PPP3CA: variants seen among roughly 807,000 people sequenced by gnomAD.
PPP3CA encodes protein phosphatase 3 catalytic subunit alpha.
PPP3CA carries 14 observed loss-of-function variants against 66.5 expected under a neutral mutation model. The ratio of observed to expected loss-of-function variants is 0.21; its 90% CI spans 0.14 to 0.33. The LOEUF is 0.33. Among genes scored for constraint, PPP3CA ranks in the 10% least tolerant of loss-of-function variants. PPP3CA has a pLI of 1.00. For synonymous variants in PPP3CA, 232 were observed against 226.2 expected (o/e 1.03, Z -0.23); for missense variants, 317 against 639.5 (o/e 0.50, Z 5.44).
intron 1 of PPP3CA, among the ~76,000 whole-genome samples, chr4:101,239,769 G>T (rs976580212): frequency 6.6e-6 from 1 of 151,974 alleles, no homozygotes; most frequent in Non-Finnish European, 1.5e-5. Flanking sequence ...AAAGTTGAGA[G>T]CTCAGCACTG....
chr4:101,275,031 G>C (rs1727446000), intron 1 of PPP3CA, among the ~76,000 whole-genome samples: 2 of 152,098 alleles, frequency 1.3e-5, no homozygotes, highest in African/African-American at 2.4e-5. Flanking sequence ...TTCAGTGATT[G>C]GGCTCCAAAA....
At chr4:101,244,557 C>T (rs1182133489) in intron 1 of PPP3CA, among the ~76,000 whole-genome samples, 1 of 152,110 alleles carries the variant, frequency 6.6e-6, no homozygotes, top group African/African-American at 2.4e-5. Context: ...GACTGACTAA[C>T]AGCACAATTA....
intron 2 of PPP3CA, among the ~76,000 whole-genome samples, chr4:101,164,579 G>A (rs1281381160): frequency 2.7e-5 from 1 of 37,216 alleles, no homozygotes; most frequent in Non-Finnish European, 6.6e-5. Flanking sequence ...TTTTTTTTTA[G>A]GGTCCTGGCT....
intron 11 of PPP3CA, among the ~76,000 whole-genome samples, chr4:101,033,292 AAAC>A (rs1560571194): frequency 0.08 from 7,066 of 87,950 alleles, 185 homozygotes; most frequent in Non-Finnish European, 0.1. Flanking sequence ...ACACACACAC[AAAC>A]ACACACACAC....
intron 5 of PPP3CA, among the ~76,000 whole-genome samples, chr4:101,096,170 T>A (rs1730187170): frequency 6.6e-6 from 1 of 152,198 alleles, no homozygotes; most frequent in African/African-American, 2.4e-5. Context: ...GTAAACACAT[T>A]ATTTTTATAC....
chr4:101,096,112 C>T (rs933373186), intron 5 of PPP3CA, among the ~76,000 whole-genome samples: 4 of 152,028 alleles, frequency 2.6e-5, no homozygotes, highest in Admixed American at 6.5e-5. Context: ...ATTGTGCTTT[C>T]GCTTGAATTT....
intron 1 of PPP3CA, among the ~76,000 whole-genome samples, chr4:101,306,579 T>A (rs1460961378): frequency 6.6e-6 from 1 of 152,032 alleles, no homozygotes; most frequent in Non-Finnish European, 1.5e-5. Flanking sequence ...CCACCTTCAC[T>A]TCTCGGAAGA....
rs188730157 is a variant in PPP3CA, at chr4:101,337,753, A to T, written c.58+8986T>A. On this transcript the variant is annotated intron_variant, in intron 1 of 13. Transcript: ENST00000394854. ...TTCTTTAACCAGAAGTCATACAACC[A>T]CATCTGGGGTAGCGCAGCTTTAGCG... Among the ~76,000 whole-genome samples, 184 of 152,284 alleles carry T rather than the reference A, an allele frequency of 1.2e-3. 1 individual carries two copies. Among genetic ancestry groups the T allele is most frequent in the Non-Finnish European group, 1.7e-3 (115 of 68,016 alleles).
At chr4:101,221,455 G>T (rs1388454680) in intron 1 of PPP3CA, among the ~76,000 whole-genome samples, 1 of 81,144 alleles carries the variant, frequency 1.2e-5, no homozygotes, top group Admixed American at 9.8e-5. Flanking sequence ...AAAATAAAAC[G>T]CATATTTTGA....
At chr4:101,288,827 G>C (rs3974772) in intron 1 of PPP3CA, among the ~76,000 whole-genome samples, 1 of 151,972 alleles carries the variant, frequency 6.6e-6, no homozygotes, top group Admixed American at 6.6e-5. Context: ...CCAAGCTGGG[G>C]CAATGTGTTA....
intron 1 of PPP3CA, among the ~76,000 whole-genome samples, chr4:101,238,229 A>T (rs1360209104): frequency 1.3e-5 from 2 of 152,114 alleles, no homozygotes; most frequent in Non-Finnish European, 2.9e-5. Context: ...ATGCTTAAAA[A>T]GTCATATCAC....
At chr4:101,039,279 T>G (rs1282798912) in intron 11 of PPP3CA, among the ~76,000 whole-genome samples, 1 of 145,020 alleles carries the variant, frequency 6.9e-6, no homozygotes, top group Non-Finnish European at 1.5e-5. Flanking sequence ...TCAGAAAGTT[T>G]TTTGTTGACC....
At chr4:101,307,660 A>G (rs891991879) in intron 1 of PPP3CA, among the ~76,000 whole-genome samples, 1 of 152,232 alleles carries the variant, frequency 6.6e-6, no homozygotes, top group African/African-American at 2.4e-5. Context: ...AGTATAAAAC[A>G]GTTTTTGGTG....
intron 1 of PPP3CA, among the ~76,000 whole-genome samples, chr4:101,335,083 A>T (rs947662692): frequency 6.6e-6 from 1 of 152,192 alleles, no homozygotes; most frequent in African/African-American, 2.4e-5. Flanking sequence ...TTATACGTAG[A>T]TATCTTAAAA....
At chr4:101,252,161 C>T (rs1726697718) in intron 1 of PPP3CA, among the ~76,000 whole-genome samples, 1 of 152,174 alleles carries the variant, frequency 6.6e-6, no homozygotes. Context: ...TGTACAATGA[C>T]AATCAGTAAT....
intron 1 of PPP3CA, among the ~76,000 whole-genome samples, chr4:101,326,592 A>G (rs1729215750): frequency 6.6e-6 from 1 of 152,214 alleles, no homozygotes; most frequent in Non-Finnish European, 1.5e-5. Flanking sequence ...GCCTCTTAAC[A>G]TTCTAGACTA....
intron 2 of PPP3CA, among the ~76,000 whole-genome samples, chr4:101,142,191 T>C (rs907598851): frequency 4.6e-5 from 7 of 152,216 alleles, no homozygotes; most frequent in African/African-American, 1.4e-4. Flanking sequence ...GACTTTGCCT[T>C]CCTGAATAGC....
intron 1 of PPP3CA, among the ~76,000 whole-genome samples, chr4:101,278,122 T>TAAAAAAAAAAAAAAAAAAAAAAAAAA (rs3077992): frequency 1.8e-4 from 20 of 112,160 alleles, no homozygotes; most frequent in African/African-American, 8.4e-4. Context: ...AAGCTATTAG[T>TAAAAAAAAAAAAAAAAAAAAAAAAAA]AAAAAAAAAA....
chr4:101,263,427 C>T (rs932242039), intron 1 of PPP3CA, among the ~76,000 whole-genome samples: 5 of 152,140 alleles, frequency 3.3e-5, no homozygotes, highest in African/African-American at 1.2e-4. Context: ...CTCATTCAAT[C>T]TTATAATCAA....
Sources: allele counts gnomAD v4.1 joint callset (sites outside exome capture counted in the v4.1 genomes callset), GRCh38; gene constraint gnomAD v4.1.1; transcripts MANE v1.5; gene names NCBI Gene and HGNC (gene_info 2026-07-23, HGNC 2026-07-21).